The following ATG7 variants were observed in gnomAD, a reference collection of about 807,000 sequenced individuals.
ATG7 encodes autophagy related 7.
Under a neutral mutation model 82.4 loss-of-function variants are expected in ATG7, and 70 were observed. The ratio of observed to expected loss-of-function variants is 0.85; its 90% CI spans 0.70 to 1.04. ATG7 has a LOEUF of 1.04. ATG7 is among the 50% of genes least tolerant of loss of function. ATG7 has a pLI of 0.00. For missense variants in ATG7, 792 were observed against 864.3 expected, an observed-to-expected ratio of 0.92 and a Z score of 1.05; for synonymous variants, 287 against 313.0, an observed-to-expected ratio of 0.92 and a Z score of 0.88.
At chr3:11,512,867 C>A (rs933548827) in intron 20 of ATG7, among the ~76,000 whole-genome samples, 2 of 152,182 alleles carry the variant, frequency 1.3e-5, no homozygotes, top group Non-Finnish European at 2.9e-5. Flanking sequence ...TTACAGAGAG[C>A]TGATTGGTCC....
intron 20 of ATG7, among the ~76,000 whole-genome samples, chr3:11,455,668 G>C (rs564708990): frequency 6.6e-6 from 1 of 152,134 alleles, no homozygotes; most frequent in Non-Finnish European, 1.5e-5. Flanking sequence ...TGCCCAGACC[G>C]GGGCTGTCTT....
intron 20 of ATG7, among the ~76,000 whole-genome samples, chr3:11,497,583 C>T (rs1414348213): frequency 1.4e-5 from 2 of 147,224 alleles, no homozygotes; most frequent in Non-Finnish European, 3.0e-5. Context: ...CCCTGATTTT[C>T]CGTAGTCTTT....
intron 19 of ATG7, among the ~76,000 whole-genome samples, chr3:11,395,245 AG>A (rs1306577042): frequency 6.6e-6 from 1 of 152,216 alleles, no homozygotes; most frequent in Non-Finnish European, 1.5e-5. Context: ...AATATAAAAA[AG>A]GTAGAAGATA....
intron 19 of ATG7, among the ~76,000 whole-genome samples, chr3:11,419,205 T>C (rs546497914): frequency 4.6e-5 from 7 of 152,314 alleles, no homozygotes; most frequent in Non-Finnish European, 8.8e-5. Context: ...TGAAAATACA[T>C]TAGCAATTGT....
intron 3 of ATG7, among the ~76,000 whole-genome samples, chr3:11,283,892 A>G (rs1296348531): frequency 2.0e-5 from 3 of 152,184 alleles, no homozygotes; most frequent in Admixed American, 6.5e-5. Flanking sequence ...AGATCACGCC[A>G]TTGCACTCCA....
At chr3:11,537,082 C>T (rs2125006386) in intron 20 of ATG7, among the ~76,000 whole-genome samples, 1 of 152,272 alleles carries the variant, frequency 6.6e-6, no homozygotes, top group Admixed American at 6.5e-5. Flanking sequence ...CACAGGGCCT[C>T]ACCCACCCAG....
At chr3:11,310,923 C>T (rs1055122173) in intron 7 of ATG7, among the ~76,000 whole-genome samples, 3 of 152,198 alleles carry the variant, frequency 2.0e-5, no homozygotes, top group Non-Finnish European at 4.4e-5. Context: ...TGAGCCACCG[C>T]ATGCAGCCTG....
chr3:11,361,930 G>A (rs1170362235), intron 16 of ATG7, among the ~76,000 whole-genome samples: 1 of 152,060 alleles, frequency 6.6e-6, no homozygotes, highest in East Asian at 1.9e-4. Flanking sequence ...TTTTTCCTTT[G>A]TTTTAAAACT....
chr3:11,364,657 A>T lies in ATG7; in HGVS notation c.1800-2A>T. The stretch of plus-strand genomic sequence containing the variant: ...GCAGCTCTGATTGTTTCCTGTCCTC[A>T]GGGGCTATGCCATTGCCAGCAGCAG... On this transcript the variant is annotated splice_acceptor_variant, in intron 17 of 20. Transcript: ENST00000693202. LOFTEE classifies it high-confidence loss of function. The T allele has an allele frequency of 6.2e-7, 1 of 1,614,092 alleles. No homozygotes were observed. Among genetic ancestry groups the T allele is most frequent in the Non-Finnish European group, 8.5e-7 (1 of 1,179,940 alleles).
chr3:11,570,259 C>CCCA, the ATG7 span, among the ~76,000 whole-genome samples: 1 of 152,102 alleles, frequency 6.6e-6, no homozygotes, highest in African/African-American at 2.4e-5. Context: ...TCCATCACCT[C>CCCA]GCAGCTCCAT....
intron 20 of ATG7, among the ~76,000 whole-genome samples, chr3:11,486,568 C>A (rs2089676731): frequency 2.0e-5 from 3 of 150,996 alleles, no homozygotes; most frequent in African/African-American, 7.3e-5. Flanking sequence ...GAACTTCCAA[C>A]ACTATGTTGA....
At chr3:11,414,454 T>C (rs115978358) in intron 19 of ATG7, among the ~76,000 whole-genome samples, 1,949 of 152,314 alleles carry the variant, frequency 0.013, 27 homozygotes, top group Non-Finnish European at 0.018. Context: ...TGTTTTTATT[T>C]ATTTGGATTT....
chr3:11,453,851 G>A (rs902930383), intron 20 of ATG7, among the ~76,000 whole-genome samples: 1 of 152,176 alleles, frequency 6.6e-6, no homozygotes, highest in Non-Finnish European at 1.5e-5. Context: ...AAGCAGGCAT[G>A]GAAAGCCACC....
intron 20 of ATG7, among the ~76,000 whole-genome samples, chr3:11,481,237 A>G (rs928259441): frequency 6.6e-6 from 1 of 152,220 alleles, no homozygotes; most frequent in Non-Finnish European, 1.5e-5. Flanking sequence ...TCTGAGATGG[A>G]TGGTGGTGAC....
rs560374540 is a variant in ATG7 at position 11,493,709 on chromosome 3, A to G, written c.2080-61102A>G. Among the ~76,000 whole-genome samples the G allele has an allele frequency of 2.1e-4, 32 of 152,312 alleles. No individual in the cohort carries two copies. In the South Asian group the frequency reaches 6.4e-3, roughly 31 times the overall value. ...AGGCACAAGGTAGGTAAATACTTAGATACAAAAAACAAAAGTTTCCGTGAT... is the reference window on the plus strand; with the variant it reads ...AGGCACAAGGTAGGTAAATACTTAGGTACAAAAAACAAAAGTTTCCGTGAT... On this transcript the variant is annotated intron_variant, in intron 20 of 20. Transcript: ENST00000693202.
At chr3:11,325,297 C>G (rs1393685630) in intron 9 of ATG7, among the ~76,000 whole-genome samples, 2 of 152,182 alleles carry the variant, frequency 1.3e-5, no homozygotes, top group Non-Finnish European at 2.9e-5. Flanking sequence ...TACTGCAAGA[C>G]AGTGTATTTA....
intron 20 of ATG7, among the ~76,000 whole-genome samples, chr3:11,479,696 C>T (rs958410955): frequency 5.9e-5 from 9 of 152,114 alleles, no homozygotes; most frequent in Admixed American, 3.3e-4. Flanking sequence ...AAATCATCCC[C>T]AATGGAGGAG....
intron 20 of ATG7, among the ~76,000 whole-genome samples, chr3:11,515,256 G>A (rs943680792): frequency 6.6e-6 from 1 of 152,084 alleles, no homozygotes; most frequent in Non-Finnish European, 1.5e-5. Context: ...TGTCTCAACT[G>A]AGAGGTGGTG....
At chr3:11,521,341 T>G in intron 20 of ATG7, among the ~76,000 whole-genome samples, 1 of 151,280 alleles carries the variant, frequency 6.6e-6, no homozygotes, top group East Asian at 1.9e-4. Flanking sequence ...TGGCTAAGAG[T>G]CACAGAGGGT....
Sources: allele counts gnomAD v4.1 joint callset (sites outside exome capture counted in the v4.1 genomes callset), GRCh38; gene constraint gnomAD v4.1.1; transcripts MANE v1.5; gene names NCBI Gene and HGNC (gene_info 2026-07-23, HGNC 2026-07-21).